TMEM156: variants seen among roughly 807,000 people sequenced by gnomAD.
TMEM156 encodes transmembrane protein 156.
A neutral mutation model predicts 30.5 loss-of-function variants in TMEM156; 28 were observed. That is an observed-to-expected ratio of 0.92 (90% CI 0.68 to 1.26). The LOEUF is 1.26. Among genes scored for constraint, TMEM156 ranks in the 50% most tolerant of loss-of-function variants. The pLI is 0.00. For missense variants in TMEM156, 351 were observed against 340.6 expected (o/e 1.03, Z -0.24); for synonymous variants, 137 against 119.9 (o/e 1.14, Z -0.93).
intron 3 of TMEM156, among the ~76,000 whole-genome samples, chr4:38,989,931 T>C (rs1417070898): frequency 6.6e-6 from 1 of 152,050 alleles, no homozygotes; most frequent in Non-Finnish European, 1.5e-5. Flanking sequence ...TCCGAGGGGA[T>C]TACAGGTGCT....
intron 5 of TMEM156, among the ~76,000 whole-genome samples, chr4:38,976,085 G>C (rs1412145915): frequency 1.3e-5 from 2 of 151,844 alleles, no homozygotes; most frequent in Admixed American, 6.6e-5. Flanking sequence ...TCAGGAGATC[G>C]AGACCATCCT....
chr4:38,984,347 C>CTGTGTG lies in TMEM156; in HGVS notation c.823+1988_823+1989insCACACA, dbSNP rs1211976306. Among the ~76,000 whole-genome samples the CTGTGTG allele has an allele frequency of 2.9e-3, 382 of 130,618 alleles. 4 individuals carry two copies. Among genetic ancestry groups the CTGTGTG allele is most frequent in the African/African-American group, 0.013 (357 of 26,648 alleles). 85.7% of individuals were successfully genotyped at this position (130,618 alleles called of 152,430 possible). ...TCTTTCTCTCTGTCTCTCTCTCTCTCTCTGTGTGTGTGTGTGTGTGTGTGT... is the reference window on the plus strand; with the variant it reads ...TCTTTCTCTCTGTCTCTCTCTCTCTCTGTGTGTCTGTGTGTGTGTGTGTGTGTGTGT... On this transcript the variant is annotated intron_variant, in intron 5 of 6. Coordinates refer to ENST00000381938, the MANE Select transcript of TMEM156 (RefSeq NM_024943.3).
chr4:39,026,446 A>C (rs1377370990), intron 1 of TMEM156, among the ~76,000 whole-genome samples: 16 of 152,190 alleles, frequency 1.1e-4, no homozygotes, highest in Admixed American at 1.0e-3. Context: ...AAGCACCCTA[A>C]GCAAGGATTG....
At chr4:38,976,827 T>C (rs932339515) in intron 5 of TMEM156, among the ~76,000 whole-genome samples, 7 of 152,262 alleles carry the variant, frequency 4.6e-5, no homozygotes, top group Non-Finnish European at 1.0e-4. Context: ...AGCTTCAGAA[T>C]GAATTTACCA....
At chr4:39,007,744 A>T (rs1308936153) in intron 1 of TMEM156, among the ~76,000 whole-genome samples, 1 of 152,198 alleles carries the variant, frequency 6.6e-6, no homozygotes. Flanking sequence ...GGCATGAGCC[A>T]CTGCACCCAG....
chr4:39,001,378 C>A (rs1713345698), intron 1 of TMEM156, among the ~76,000 whole-genome samples: 1 of 146,126 alleles, frequency 6.8e-6, no homozygotes, highest in African/African-American at 2.5e-5. Flanking sequence ...CAGAATGAGA[C>A]TCCATCTAAA....
chr4:39,000,327 A>G (rs542842653), intron 1 of TMEM156, among the ~76,000 whole-genome samples: 1 of 152,178 alleles, frequency 6.6e-6, no homozygotes, highest in Admixed American at 6.5e-5. Flanking sequence ...GGGAGGTTGA[A>G]GCTGCAGTGA....
chr4:39,020,553 A>T (rs1002309147), intron 1 of TMEM156, among the ~76,000 whole-genome samples: 18 of 151,362 alleles, frequency 1.2e-4, no homozygotes, highest in African/African-American at 3.2e-4. Flanking sequence ...CTTATTTTGA[A>T]TTTTTTTTAT....
chr4:39,008,564 T>C (rs1713899042), intron 1 of TMEM156, among the ~76,000 whole-genome samples: 1 of 152,180 alleles, frequency 6.6e-6, no homozygotes, highest in African/African-American at 2.4e-5. Flanking sequence ...TTGTAAATTT[T>C]TCTTTTTGTC....
intron 3 of TMEM156, among the ~76,000 whole-genome samples, chr4:38,990,048 G>A (rs1712310310): frequency 6.6e-6 from 1 of 152,170 alleles, no homozygotes; most frequent in Non-Finnish European, 1.5e-5. Context: ...ACCCGCCTCG[G>A]CCTCCCAAAG....
In TMEM156 at chr4:39,032,262, T is replaced by G; in HGVS notation, c.52A>C (p.Ile18Leu). ...TTGAAATATTCCGGCAAAATTAAAATGAATGTGATCACTATTGCCACAAAT... is the reference window on the plus strand; with the variant it reads ...TTGAAATATTCCGGCAAAATTAAAAGGAATGTGATCACTATTGCCACAAAT... Reference protein sequence around the residue: ...KLFVAIVITFILILPEYFKTP... With the variant: ...KLFVAIVITFLLILPEYFKTP... Residue 18 changes from isoleucine (I) to leucine (L), a missense_variant, in exon 1 of 7, where the codon ATT (isoleucine) becomes CTT (leucine). By Grantham distance (5) the Ile-to-Leu change is conservative. Transcript: ENST00000381938. 6.2e-7 allele frequency: 1 copy of G among 1,610,436 alleles called. No homozygotes were observed. The highest frequency in any genetic ancestry group is 8.5e-7 in the Non-Finnish European group (1 of 1,177,882).
chr4:38,978,665 A>G (rs1039867083), intron 5 of TMEM156, among the ~76,000 whole-genome samples: 1 of 152,190 alleles, frequency 6.6e-6, no homozygotes, highest in Non-Finnish European at 1.5e-5. Flanking sequence ...ACACAAATTC[A>G]TCTTCAAAAA....
chr4:38,992,735 A>T lies in TMEM156; in HGVS notation c.619+1003T>A, dbSNP rs1447682391. The stretch of plus-strand genomic sequence containing the variant: ...TATTATATATATATAATATATATAT[A>T]ATATATAATATATTATATATATATA... On this transcript the variant is annotated intron_variant, in intron 3 of 6. Transcript: ENST00000381938. Among the ~76,000 whole-genome samples the T allele has an allele frequency of 4.1e-5, 2 of 49,330 alleles. 1 individual carries two copies. The highest frequency in any genetic ancestry group is 1.4e-4 in the African/African-American group (2 of 14,770). 32.4% of individuals were successfully genotyped at this position (49,330 alleles called of 152,430 possible).
At chr4:39,009,258 A>G (rs2566155) in intron 1 of TMEM156, among the ~76,000 whole-genome samples, 23,475 of 151,964 alleles carry the variant, frequency 0.15, 4,035 homozygotes, top group African/African-American at 0.43. Context: ...GTAATAAAAA[A>G]CCTACCAGCC....
rs1712707942 is a variant in TMEM156 at position 38,993,721 on chromosome 4, T to C, written c.619+17A>G. On this transcript the variant is annotated intron_variant, in intron 3 of 6. Coordinates refer to ENST00000381938, the MANE Select transcript of TMEM156 (RefSeq NM_024943.3). ...ATCGGATAACTCCTTTTCCCTTTAG[T>C]TTCCTTAAAAACTTACTTTTTATAT... 2 of 1,605,250 alleles carry C rather than the reference T, an allele frequency of 1.2e-6. No individual in the cohort carries two copies. The highest frequency in any genetic ancestry group is 4.5e-5 in the East Asian group (2 of 44,784).
chr4:38,997,859 A>G (rs1713037480), intron 2 of TMEM156, among the ~76,000 whole-genome samples: 1 of 152,204 alleles, frequency 6.6e-6, no homozygotes, highest in Non-Finnish European at 1.5e-5. Flanking sequence ...ATTTAGTAGT[A>G]AGCAAAGACA....
chr4:38,990,853 T>TTTTTTTTTTTTTTTTTTTTTTTTTG (rs1712397106), intron 3 of TMEM156, among the ~76,000 whole-genome samples: 1 of 124,284 alleles, frequency 8.0e-6, no homozygotes. Context: ...TTTTTTTTTT[T>TTTTTTTTTTTTTTTTTTTTTTTTTG]GAGAGGGAGT....
intron 3 of TMEM156, among the ~76,000 whole-genome samples, chr4:38,989,343 GC>G (rs1480058895): frequency 1.3e-5 from 2 of 152,180 alleles, no homozygotes. Context: ...GGGCCAGGCA[GC>G]CCAAAAATAT....
At chr4:39,019,908 G>C (rs1241482205) in intron 1 of TMEM156, among the ~76,000 whole-genome samples, 1 of 152,016 alleles carries the variant, frequency 6.6e-6, no homozygotes, top group Non-Finnish European at 1.5e-5. Context: ...TTATTCATCT[G>C]TCTAAATGAA....
Sources: allele counts gnomAD v4.1 joint callset (sites outside exome capture counted in the v4.1 genomes callset), GRCh38; gene constraint gnomAD v4.1.1; transcripts MANE v1.5; gene names NCBI Gene and HGNC (gene_info 2026-07-23, HGNC 2026-07-21).